PDE3B: variants seen among roughly 807,000 people sequenced by gnomAD.
The protein encoded by PDE3B is cGMP-inhibited 3',5'-cyclic phosphodiesterase 3B.
PDE3B carries 66 observed loss-of-function variants against 116.8 expected under a neutral mutation model. The observed-to-expected ratio is 0.56, with a 90% CI of 0.46 to 0.69. The LOEUF (loss-of-function observed/expected upper bound fraction) is 0.69, where lower values mean the gene tolerates loss of function less well. Ranked by LOEUF, PDE3B falls within the 30% of genes least tolerant of loss-of-function variation. The pLI, the probability that PDE3B is intolerant of heterozygous loss-of-function variation, is 0.00. For synonymous variants in PDE3B, 595 were observed against 533.6 expected, an observed-to-expected ratio of 1.12 and a Z score of -1.59; for missense variants, 1,384 against 1,368.1, an observed-to-expected ratio of 1.01 and a Z score of -0.18.
intron 7 of PDE3B, among the ~76,000 whole-genome samples, chr11:14,828,725 G>A (rs1435117342): frequency 1.3e-5 from 2 of 152,208 alleles, no homozygotes; most frequent in East Asian, 1.9e-4. Flanking sequence ...GTGTAAATTA[G>A]TTCGGTCATT....
At chr11:14,763,429 A>G (rs1857414291) in intron 1 of PDE3B, among the ~76,000 whole-genome samples, 1 of 152,088 alleles carries the variant, frequency 6.6e-6, no homozygotes, top group South Asian at 2.1e-4. Flanking sequence ...CAATAAAGAC[A>G]ACTCTTTTGA....
At chr11:14,743,308 G>C (rs1017986258) in intron 1 of PDE3B, among the ~76,000 whole-genome samples, 1 of 152,216 alleles carries the variant, frequency 6.6e-6, no homozygotes, top group Non-Finnish European at 1.5e-5. Context: ...GCTTTGCCAA[G>C]ATGAAGTGGG....
chr11:14,760,647 AT>A (rs1565125232), intron 1 of PDE3B, among the ~76,000 whole-genome samples: 1 of 152,188 alleles, frequency 6.6e-6, no homozygotes, highest in Non-Finnish European at 1.5e-5. Context: ...AGTACATAAT[AT>A]ATTCACATGG....
rs555107984 is a variant in PDE3B, at chr11:14,747,580, G to A, written c.979-24357G>A. 2.6e-5 allele frequency among the ~76,000 whole-genome samples: 4 copies of A among 152,246 alleles called. No homozygotes were observed. In the South Asian group the frequency reaches 8.3e-4, roughly 32 times the overall value. ...GGATAGGGACAAAGGGAAGTGTATA[G>A]TTTTCATTTTAAGCCTTTATGTGCT... On this transcript the variant is annotated intron_variant, in intron 1 of 15. Transcript: ENST00000282096.
chr11:14,864,196 A>C (rs1848001661), intron 14 of PDE3B, among the ~76,000 whole-genome samples: 2 of 152,226 alleles, frequency 1.3e-5, no homozygotes. Context: ...CACAGACAGA[A>C]AAAGACCAAG....
intron 1 of PDE3B, among the ~76,000 whole-genome samples, chr11:14,645,906 G>T (rs895673777): frequency 6.6e-6 from 1 of 152,080 alleles, no homozygotes; most frequent in Non-Finnish European, 1.5e-5. Context: ...TTTATGAAGT[G>T]CAAAACATTT....
intron 1 of PDE3B, among the ~76,000 whole-genome samples, chr11:14,677,745 C>T (rs1854574952): frequency 6.6e-6 from 1 of 152,286 alleles, no homozygotes; most frequent in Non-Finnish European, 1.5e-5. Context: ...TCTTTTCCTT[C>T]ACTGTAGTTT....
At chr11:14,885,306 C>T in the PDE3B span, among the ~76,000 whole-genome samples, 2 of 152,108 alleles carry the variant, frequency 1.3e-5, no homozygotes, top group Admixed American at 1.3e-4. Flanking sequence ...CAATACTAAA[C>T]CATACAGAAT....
chr11:14,760,245 A>T (rs183350438), intron 1 of PDE3B, among the ~76,000 whole-genome samples: 5 of 152,316 alleles, frequency 3.3e-5, no homozygotes, highest in African/African-American at 9.6e-5. Flanking sequence ...TAAGCCCTTA[A>T]TAGATGTTAG....
intron 5 of PDE3B, among the ~76,000 whole-genome samples, chr11:14,809,349 A>C (rs1379189043): frequency 8.5e-5 from 13 of 152,230 alleles, no homozygotes; most frequent in Non-Finnish European, 1.9e-4. Flanking sequence ...GCTATCAATA[A>C]ATGGTTAAAC....
chr11:14,847,014 C>T (rs1051140062), intron 12 of PDE3B, among the ~76,000 whole-genome samples: 12 of 152,160 alleles, frequency 7.9e-5, no homozygotes, highest in Non-Finnish European at 1.5e-4. Context: ...CAGAACTCTC[C>T]ACCCCAAATC....
At chr11:14,750,715 G>A (rs897625598) in intron 1 of PDE3B, among the ~76,000 whole-genome samples, 7 of 152,044 alleles carry the variant, frequency 4.6e-5, no homozygotes, top group Non-Finnish European at 1.0e-4. Context: ...GACTGCAAAA[G>A]GGGTCCATTG....
intron 1 of PDE3B, among the ~76,000 whole-genome samples, chr11:14,741,134 G>A (rs909266748): frequency 2.0e-5 from 3 of 152,078 alleles, no homozygotes; most frequent in African/African-American, 7.3e-5. Flanking sequence ...GTCCAGAGCT[G>A]AGTTCAAGTC....
intron 7 of PDE3B, among the ~76,000 whole-genome samples, chr11:14,821,616 G>A (rs1012368811): frequency 6.6e-6 from 1 of 150,968 alleles, no homozygotes; most frequent in Non-Finnish European, 1.5e-5. Context: ...AAGAATACTC[G>A]AATAGTCTAA....
At chr11:14,742,898 G>T (rs2133867245) in intron 1 of PDE3B, among the ~76,000 whole-genome samples, 1 of 152,214 alleles carries the variant, frequency 6.6e-6, no homozygotes, top group Admixed American at 6.5e-5. Context: ...AGGAGAGGCT[G>T]CAGAACAGTA....
chr11:14,735,394 G>A (rs983418063), intron 1 of PDE3B, among the ~76,000 whole-genome samples: 5 of 152,166 alleles, frequency 3.3e-5, no homozygotes, highest in Non-Finnish European at 7.4e-5. Context: ...CAATAGTGAA[G>A]AGGAATACTG....
chr11:14,763,004 GAGA>G lies in PDE3B; in HGVS notation c.979-8926_979-8924del, dbSNP rs1232514088. ...ATTGGATATATAATTCTTCAGCTCA[GAGA>G]AGAAGATACATATACATTTGTGAGT... On this transcript the variant is annotated intron_variant, in intron 1 of 15. Coordinates refer to ENST00000282096, the MANE Select transcript of PDE3B (RefSeq NM_000922.4). 2.0e-5 allele frequency among the ~76,000 whole-genome samples: 3 copies of G among 152,168 alleles called. No individual in the cohort carries two copies. In the East Asian group the frequency reaches 5.8e-4, roughly 29 times the overall value.
chr11:14,702,572 T>A (rs1027320083), intron 1 of PDE3B, among the ~76,000 whole-genome samples: 4 of 151,862 alleles, frequency 2.6e-5, no homozygotes, highest in African/African-American at 9.7e-5. Context: ...TCAATACTGC[T>A]GGAGACTTTC....
At chr11:14,662,058 A>T (rs916070637) in intron 1 of PDE3B, among the ~76,000 whole-genome samples, 3 of 152,054 alleles carry the variant, frequency 2.0e-5, no homozygotes, top group Non-Finnish European at 2.9e-5. Context: ...AGGCACCCCC[A>T]AGTAGGGGCA....
Sources: gnomAD v4.1 joint callset for allele counts (sites outside exome capture counted in the v4.1 genomes callset) on GRCh38, gnomAD v4.1.1 for gene constraint, MANE v1.5 for transcripts, NCBI Gene and HGNC (gene_info 2026-07-23, HGNC 2026-07-21) for gene names.